SCAPER: variants seen among roughly 807,000 people sequenced by gnomAD.
The protein encoded by SCAPER is S-phase cyclin A associated protein in the ER.
In SCAPER, 98 loss-of-function variants were observed where a neutral mutation model predicts 182.2. The ratio of observed to expected loss-of-function variants is 0.54; its 90% CI spans 0.46 to 0.64. The LOEUF (loss-of-function observed/expected upper bound fraction) is 0.64. Ranked by LOEUF, SCAPER falls within the 30% of genes least tolerant of loss-of-function variation. SCAPER has a pLI of 0.00. For synonymous variants in SCAPER, 605 were observed against 564.6 expected (o/e 1.07, Z -1.01); for missense variants, 1,432 against 1,690.0 (o/e 0.85, Z 2.68).
chr15:76,618,990 G>T (rs909229333), intron 22 of SCAPER, among the ~76,000 whole-genome samples: 1 of 152,100 alleles, frequency 6.6e-6, no homozygotes, highest in African/African-American at 2.4e-5. Context: ...GATTACAGGT[G>T]CACACCACTA....
intron 22 of SCAPER, among the ~76,000 whole-genome samples, chr15:76,616,029 A>G (rs1428125013): frequency 6.6e-6 from 1 of 152,102 alleles, no homozygotes; most frequent in Non-Finnish European, 1.5e-5. Context: ...GTGAGAATGT[A>G]AAAAATGGTA....
chr15:76,780,367 T>G (rs1427230736), intron 8 of SCAPER, among the ~76,000 whole-genome samples: 1 of 152,160 alleles, frequency 6.6e-6, no homozygotes. Context: ...GTAAACAAAG[T>G]GGCCGGGAAG....
Position 76,348,664 on chromosome 15 carries a change from C to T in SCAPER, c.4172G>A (p.Arg1391Gln), listed in dbSNP as rs563379418. The change falls in exon 32 of 32, where the codon CGA becomes CAA. Residue 1391 changes from arginine (R) to glutamine (Q), a missense_variant. Arg to Gln is a conservative substitution (Grantham distance 43, BLOSUM62 1). Around this residue, in one of 5 missense-constraint regions of SCAPER, gnomAD observed 718 missense variants for 799.7 expected, o/e 0.90. Transcript: ENST00000563290. Reference sequence around the variant, plus strand: ...TTTCTCTTTTTTCAAGAAAAACTGTCGAGCTTCTTCCCAGGCCTGCTGAGG... The same window carrying T: ...TTTCTCTTTTTTCAAGAAAAACTGTTGAGCTTCTTCCCAGGCCTGCTGAGG... ...RFPQQAWEEARQFFLKKEKK is the reference protein window; with the variant it reads ...RFPQQAWEEAQQFFLKKEKK 113 of 1,552,326 alleles carry T rather than the reference C, an allele frequency of 7.3e-5. 1 individual carries two copies. The South Asian group carries it at 9.9e-4, about 14-fold the overall frequency.
intron 21 of SCAPER, among the ~76,000 whole-genome samples, chr15:76,652,518 T>TACACACACACAC (rs71143350): frequency 4.0e-4 from 36 of 88,914 alleles, no homozygotes; most frequent in South Asian, 1.9e-3. Flanking sequence ...TTTACATACA[T>TACACACACACAC]ACACACACAC....
At chr15:76,748,599 T>C (rs1279456980) in intron 15 of SCAPER, among the ~76,000 whole-genome samples, 1 of 150,202 alleles carries the variant, frequency 6.7e-6, no homozygotes, top group East Asian at 1.9e-4. Context: ...AAATCACAAG[T>C]TTCATAAGGA....
intron 23 of SCAPER, 85 bp from the exon 24 acceptor site, chr15:76,505,059 G>C: frequency 1.1e-6 from 1 of 883,948 alleles, no homozygotes; most frequent in Non-Finnish European, 1.8e-6. Context: ...GAAACATACT[G>C]ATGGTTCAAC....
intron 21 of SCAPER, among the ~76,000 whole-genome samples, chr15:76,646,106 C>T (rs35195096): frequency 0.38 from 57,936 of 151,922 alleles, 13,060 homozygotes; most frequent in Middle Eastern, 0.52. Context: ...TAAATATCCA[C>T]GAAGGATTGG....
At chr15:76,654,277 G>A (rs565054857) in intron 21 of SCAPER, among the ~76,000 whole-genome samples, 68 of 152,192 alleles carry the variant, frequency 4.5e-4, no homozygotes, top group African/African-American at 1.5e-3. Context: ...GCATGGTGGT[G>A]GGCGCCTGTA....
chr15:76,701,999 C>A (rs923817696), intron 19 of SCAPER, 134 bp from the exon 20 acceptor site: 1 of 531,866 alleles, frequency 1.9e-6, no homozygotes, highest in Non-Finnish European at 3.3e-6. Context: ...AAAATAGTTT[C>A]CTCAGAACAT....
At chr15:76,505,619 G>A (rs910228555) in intron 23 of SCAPER, among the ~76,000 whole-genome samples, 16 of 152,102 alleles carry the variant, frequency 1.1e-4, no homozygotes, top group African/African-American at 3.9e-4. Flanking sequence ...GATGTGGAGA[G>A]GGAACTCTCA....
chr15:76,777,005 A>G (rs1455271165), intron 8 of SCAPER, among the ~76,000 whole-genome samples: 2 of 152,210 alleles, frequency 1.3e-5, no homozygotes, highest in Non-Finnish European at 2.9e-5. Flanking sequence ...CCCAAATATG[A>G]TAAACCCAAA....
chr15:76,356,879 C>CAGA (rs1236761039), intron 29 of SCAPER, among the ~76,000 whole-genome samples: 1 of 152,140 alleles, frequency 6.6e-6, no homozygotes, highest in Non-Finnish European at 1.5e-5. Flanking sequence ...CAATAGTAAT[C>CAGA]AGAAGCAGTC....
At chr15:76,554,883 G>A (rs1261772552) in intron 23 of SCAPER, among the ~76,000 whole-genome samples, 3 of 151,504 alleles carry the variant, frequency 2.0e-5, no homozygotes, top group Admixed American at 6.6e-5. Flanking sequence ...CGGGGTTCAA[G>A]TGATTCTCCT....
intron 23 of SCAPER, among the ~76,000 whole-genome samples, chr15:76,555,214 C>T (rs2046104512): frequency 6.6e-6 from 1 of 152,168 alleles, no homozygotes; most frequent in South Asian, 2.1e-4. Context: ...CAGCAGAACT[C>T]CTCTACGAAA....
chr15:76,717,181 T>C (rs2059934662), intron 17 of SCAPER, among the ~76,000 whole-genome samples: 1 of 143,968 alleles, frequency 6.9e-6, no homozygotes, highest in Middle Eastern at 3.6e-3. Context: ...AAGAATACTA[T>C]ACCAAGGAAA....
rs1231643262 is a variant in SCAPER, at chr15:76,905,297, ACCCCCGACCGC to A, written c.-69_-60+1del. 1.9e-5 allele frequency: 5 copies of A among 268,004 alleles called. No homozygotes were observed. The highest frequency in any genetic ancestry group is 3.8e-5 in the Non-Finnish European group (5 of 130,572). 16.6% of individuals were successfully genotyped at this position (268,004 alleles called of 1,614,324 possible). A position where few individuals can be genotyped will look rare whatever the true frequency, so the allele number is the denominator to read the frequency against. ...CTACGCACGCCCCTCGCGGACACTCACCCCCGACCGCCCTGCTTAGTTCGGGGCGGCTCAAA... is the reference window on the plus strand; with the variant it reads ...CTACGCACGCCCCTCGCGGACACTCACCTGCTTAGTTCGGGGCGGCTCAAA... On this transcript the variant is annotated splice_donor_variant and 5_prime_UTR_variant, in exon 1 of 32. Coordinates refer to ENST00000563290, the MANE Select transcript of SCAPER (RefSeq NM_020843.4). LOFTEE classifies it low-confidence loss of function (5UTR_SPLICE).
rs778065675 is a variant in SCAPER, at chr15:76,665,716, T to C, written c.2582A>G (p.Asp861Gly). ...TTTATTTTTTTGCCGCTCTTCTCCATCTTTCAAAGCTTCTGCTGGAGCTGT... is the reference window on the plus strand; with the variant it reads ...TTTATTTTTTTGCCGCTCTTCTCCACCTTTCAAAGCTTCTGCTGGAGCTGT... The part of the protein sequence containing the change: ...ESTAPAEALK[D>G]GEERQKNKKK... Residue 861 changes from aspartate (D) to glycine (G), a missense_variant, in exon 21 of 32, where the codon GAT becomes GGT. By Grantham distance (94) the Asp-to-Gly change is moderately conservative. This residue lies in a region of SCAPER where 718 missense variants were observed against 799.7 expected (regional missense o/e 0.90). Coordinates refer to ENST00000563290, the MANE Select transcript of SCAPER (RefSeq NM_020843.4). 22 of 1,565,738 alleles carry C rather than the reference T, an allele frequency of 1.4e-5. No individual in the cohort carries two copies. The highest frequency in any genetic ancestry group is 1.7e-5 in the Non-Finnish European group (20 of 1,154,744).
rs867450417 is a variant in SCAPER, at chr15:76,783,094, G to A, written c.773-7977C>T. ...TTCAAAAAATACATGAATCCAAGAGGTGTTTTTTTTGAAAAGATCAACCAA... is the reference window on the plus strand; with the variant it reads ...TTCAAAAAATACATGAATCCAAGAGATGTTTTTTTTGAAAAGATCAACCAA... On this transcript the variant is annotated intron_variant, in intron 8 of 31. Coordinates refer to ENST00000563290, the MANE Select transcript of SCAPER (RefSeq NM_020843.4). Among the ~76,000 whole-genome samples, 13 of 152,120 alleles carry A rather than the reference G, an allele frequency of 8.5e-5. No homozygotes were observed. The Middle Eastern group carries it at 0.01, about 120-fold the overall frequency.
Position 76,796,386 on chromosome 15 carries a change from A to G in SCAPER, c.612-946T>C, listed in dbSNP as rs149798540. Reference sequence around the variant, plus strand: ...ATTTATCTTAGTTTTCACAAAAACAATGACTCTTTTTACACTCATATTTTA... The same window carrying G: ...ATTTATCTTAGTTTTCACAAAAACAGTGACTCTTTTTACACTCATATTTTA... On this transcript the variant is annotated intron_variant, in intron 7 of 31. Transcript: ENST00000563290. Among the ~76,000 whole-genome samples the G allele has an allele frequency of 7.4e-3, 1,134 of 152,342 alleles. 19 individuals carry two copies. The highest frequency in any genetic ancestry group is 0.026 in the African/African-American group (1,080 of 41,570).
Sources: allele counts gnomAD v4.1 joint callset (sites outside exome capture counted in the v4.1 genomes callset), GRCh38; gene constraint gnomAD v4.1.1; regional missense constraint gnomAD v4.1.1; transcripts MANE v1.5; gene names NCBI Gene and HGNC (gene_info 2026-07-23, HGNC 2026-07-21).